The following CPNE7 variants were observed in gnomAD, a reference collection of about 807,000 sequenced individuals.
The protein encoded by CPNE7 is copine-7.
In CPNE7, 78 loss-of-function variants were observed where a neutral mutation model predicts 66.5. That is an observed-to-expected ratio of 1.17 (90% CI 0.98 to 1.42). CPNE7 has a LOEUF of 1.42. CPNE7 is among the 40% of genes most tolerant of loss of function. The pLI, the probability that CPNE7 is intolerant of heterozygous loss-of-function variation, is 0.00. For missense variants in CPNE7, 1,012 were observed against 776.6 expected (o/e 1.30, Z -3.60); for synonymous variants, 468 against 336.7 (o/e 1.39, Z -4.27).
Position 89,595,485 on chromosome 16 carries a change from A to G in CPNE7, c.1421A>G (p.Asn474Ser), listed in dbSNP as rs1408111525. 1.9e-6 allele frequency: 3 copies of G among 1,612,484 alleles called. No individual in the cohort carries two copies. Among genetic ancestry groups the G allele is most frequent in the African/African-American group, 2.7e-5 (2 of 74,936 alleles). Residue 474 changes from asparagine (N) to serine (S), a missense_variant, in exon 14 of 15, where the codon AAC (asparagine) becomes AGC (serine). Transcript: ENST00000319518. ...PMSIIIVGVG[N>S]ADFTDMQVLD... ...TCCATCATCATCGTGGGCGTGGGCA[A>G]CGCCGACTTCACCGACATGCAGGTC...
In CPNE7 at chr16:89,588,771, C is replaced by A; in HGVS notation, c.1024C>A (p.Leu342Met). The A allele has an allele frequency of 6.2e-7, 1 of 1,613,780 alleles. No individual in the cohort carries two copies. Among genetic ancestry groups the A allele is most frequent in the Non-Finnish European group, 8.5e-7 (1 of 1,179,970 alleles). Reference sequence around the variant, plus strand: ...CCAGCCGAACGAGTACCTGAAGGCACTGGTGTCCGTGGGCGAGATCTGCCA... The same window carrying A: ...CCAGCCGAACGAGTACCTGAAGGCAATGGTGTCCGTGGGCGAGATCTGCCA... Reference protein sequence around the residue: ...PYQPNEYLKALVSVGEICQDY... With the variant: ...PYQPNEYLKAMVSVGEICQDY... Residue 342 changes from leucine to methionine, a missense_variant, in exon 10 of 15, where the codon CTG (leucine) becomes ATG (methionine). By Grantham distance (15) the Leu-to-Met change is conservative (BLOSUM62 2). Coordinates refer to ENST00000319518, the MANE Select transcript of CPNE7 (RefSeq NM_153636.3).
intron 13 of CPNE7, among the ~76,000 whole-genome samples, chr16:89,592,770 C>G (rs1462271355): frequency 2.7e-5 from 4 of 149,942 alleles, no homozygotes; most frequent in African/African-American, 9.8e-5. Context: ...ATAAAATATG[C>G]ACAGTTTAAA....
At chr16:89,579,787 C>T (rs1264695697) in intron 2 of CPNE7, among the ~76,000 whole-genome samples, 1 of 131,208 alleles carries the variant, frequency 7.6e-6, no homozygotes, top group Non-Finnish European at 1.7e-5. Context: ...ATCCCGTCAC[C>T]CGCTGACACG....
chr16:89,577,491 C>G, intron 1 of CPNE7, 48 bp from the exon 2 acceptor site: 1 of 1,538,360 alleles, frequency 6.5e-7, no homozygotes, highest in African/African-American at 1.4e-5. Flanking sequence ...GTCTGGAGCC[C>G]GGGGTGGAAG....
chr16:89,594,755 G>A lies in CPNE7; in HGVS notation c.1303-612G>A, dbSNP rs1465966115. ...CACCCTCTGCCTCCCAAGTTCAAGC[G>A]ATTCTCATGCCTCAGCCTCCCGAAT... On this transcript the variant is annotated intron_variant, in intron 13 of 14. Coordinates refer to ENST00000319518, the MANE Select transcript of CPNE7 (RefSeq NM_153636.3). 2.8e-5 allele frequency among the ~76,000 whole-genome samples: 4 copies of A among 145,324 alleles called. 1 individual carries two copies. Among genetic ancestry groups the A allele is most frequent in the South Asian group, 4.4e-4 (2 of 4,520 alleles).
At position 89,575,924 on chromosome 16, in the gene CPNE7, G is replaced by C; in HGVS notation, c.27G>C (p.Ala9=). The change falls in exon 1 of 15, where the codon GCG becomes GCC. Residue 9 remains alanine, a synonymous_variant. Transcript: ENST00000319518. ...TGAGCGCGGGCTCGGAGCGCGGGGC[G>C]GCGGCAACCCCCGGGGGTTTGCCCG... MSAGSERG[A]AATPGGLPAP... 7.9e-7 allele frequency: 1 copy of C among 1,261,414 alleles called. No homozygotes were observed. The highest frequency in any genetic ancestry group is 3.1e-4 in the Middle Eastern group (1 of 3,272). The allele number at this position is 1,261,414 out of a possible 1,614,324, so 78.1% of individuals were successfully genotyped here.
Position 89,596,498 on chromosome 16 carries a change from G to A in CPNE7, c.1554G>A (p.Ala518=), listed in dbSNP as rs948203242. Residue 518 remains alanine (A), a synonymous_variant, in exon 15 of 15, where the codon GCG becomes GCA. Transcript: ENST00000319518. ...CCATCCTCCAGGCATCCCCTGCGGCGCTGGCCAAGTGCGTGCTGGCCGAGG... is the reference window on the plus strand; with the variant it reads ...CCATCCTCCAGGCATCCCCTGCGGCACTGGCCAAGTGCGTGCTGGCCGAGG... ...FRELKNASPA[A]LAKCVLAEVP... is the part of the protein sequence containing the mutation. The A allele has an allele frequency of 3.2e-5, 52 of 1,608,402 alleles. No homozygotes were observed. Among genetic ancestry groups the A allele is most frequent in the Admixed American group, 1.5e-4 (9 of 59,562 alleles).
chr16:89,578,714 C>G (rs1597691398), intron 2 of CPNE7: 16 of 1,238,676 alleles, frequency 1.3e-5, no homozygotes, highest in Non-Finnish European at 1.7e-5. Context: ...GAGTGGAGAT[C>G]TCACCACTGC....
At chr16:89,586,595 T>G in intron 7 of CPNE7, 75 bp from the exon 8 acceptor site, 4 of 1,199,826 alleles carry the variant, frequency 3.3e-6, no homozygotes, top group African/African-American at 1.5e-5. Flanking sequence ...CTATTGGGGA[T>G]GGTCTTGGGT....
intron 1 of CPNE7, 127 bp from the exon 2 acceptor site, chr16:89,577,412 G>A: frequency 1.1e-6 from 1 of 936,168 alleles, no homozygotes; most frequent in Non-Finnish European, 1.6e-6. Context: ...GAGCAGGCAG[G>A]AGGTCTTCCC....
chr16:89,593,604 G>A (rs1336358223), intron 13 of CPNE7, among the ~76,000 whole-genome samples: 5 of 151,504 alleles, frequency 3.3e-5, no homozygotes, highest in Non-Finnish European at 7.4e-5. Context: ...CGCCCACCTC[G>A]GCCTCCCAAA....
chr16:89,577,843 C>T (rs983972527), intron 2 of CPNE7, 122 bp downstream of exon 2: 3 of 770,608 alleles, frequency 3.9e-6, no homozygotes, highest in Admixed American at 2.7e-5. Flanking sequence ...TCTGCCCCCT[C>T]CTCAGCTCCT....
At chr16:89,595,917 G>A (rs2059247894) in intron 14 of CPNE7, 2 of 555,500 alleles carry the variant, frequency 3.6e-6, no homozygotes, top group East Asian at 4.3e-5. Flanking sequence ...GACACGCACA[G>A]CACACACGTG....
intron 1 of CPNE7, among the ~76,000 whole-genome samples, chr16:89,577,095 T>A (rs1394169648): frequency 6.6e-6 from 1 of 152,130 alleles, no homozygotes; most frequent in African/African-American, 2.4e-5. Context: ...GGTCTTGTCC[T>A]TACGGGGCAG....
At chr16:89,590,585 T>G (rs1255577643) in intron 11 of CPNE7, among the ~76,000 whole-genome samples, 5 of 150,970 alleles carry the variant, frequency 3.3e-5, no homozygotes, top group African/African-American at 1.2e-4. Flanking sequence ...AAATGGTGTG[T>G]GGGGATTTAT....
At position 89,596,062 on chromosome 16, in the gene CPNE7, C is replaced by T. The variant is rs2059250775; in HGVS notation, c.1540-422C>T. ...GCCCTACAGCAAGACGTGCATGCCA[C>T]ATAGATGTGAAGTTCTACACAGCAA... On this transcript the variant is annotated intron_variant, in intron 14 of 14. Transcript: ENST00000319518. The T allele has an allele frequency of 3.6e-5, 16 of 447,510 alleles. 1 individual carries two copies. The highest frequency in any genetic ancestry group is 2.9e-4 in the South Asian group (16 of 55,102). The allele number at this position is 447,510 out of a possible 1,614,324, so 27.7% of individuals were successfully genotyped here. A position where few individuals can be genotyped will look rare whatever the true frequency, so the allele number is the denominator to read the frequency against.
intron 11 of CPNE7, 98 bp from the exon 12 acceptor site, chr16:89,590,901 GGGGGACAT>G (rs2059156944): frequency 8.2e-7 from 1 of 1,213,742 alleles, no homozygotes; most frequent in Non-Finnish European, 1.2e-6. Flanking sequence ...GCAGCTGACT[GGGGGACAT>G]GGGGGCTGGG....
intron 2 of CPNE7, among the ~76,000 whole-genome samples, chr16:89,581,531 G>A (rs1221681554): frequency 1.3e-5 from 2 of 152,218 alleles, no homozygotes; most frequent in Non-Finnish European, 2.9e-5. Context: ...TGCAGCCTCG[G>A]TCGGAGCTGG....
chr16:89,580,907 A>G (rs1597695759), intron 2 of CPNE7, among the ~76,000 whole-genome samples: 2 of 125,470 alleles, frequency 1.6e-5, no homozygotes, highest in African/African-American at 6.4e-5. Flanking sequence ...ACATCCCATC[A>G]CCCGTCACAT....
Sources: gnomAD v4.1 joint callset for allele counts (sites outside exome capture counted in the v4.1 genomes callset) on GRCh38, gnomAD v4.1.1 for gene constraint, MANE v1.5 for transcripts, NCBI Gene and HGNC (gene_info 2026-07-23, HGNC 2026-07-21) for gene names.